The following SNX13 variants were observed in gnomAD, a reference collection of about 807,000 sequenced individuals.
The protein encoded by SNX13 is sorting nexin 13.
In SNX13, 45 loss-of-function variants were observed where a neutral mutation model predicts 133.6. That is an observed-to-expected ratio of 0.34 (90% CI 0.27 to 0.43). SNX13 has a LOEUF of 0.43. Among genes scored for constraint, SNX13 ranks in the 20% least tolerant of loss-of-function variants. The pLI, the probability that SNX13 is intolerant of heterozygous loss-of-function variation, is 1.00. For synonymous variants in SNX13, 414 were observed against 373.9 expected (o/e 1.11, Z -1.24); for missense variants, 1,032 against 1,145.1 (o/e 0.90, Z 1.43).
intron 13 of SNX13, among the ~76,000 whole-genome samples, chr7:17,838,752 T>C (rs1170597733): frequency 4.0e-5 from 6 of 151,840 alleles, no homozygotes; most frequent in African/African-American, 7.2e-5. Flanking sequence ...CAATTATTTG[T>C]AGTTTCCCCA....
At chr7:17,894,736 A>G (rs1797019850) in intron 2 of SNX13, among the ~76,000 whole-genome samples, 1 of 152,158 alleles carries the variant, frequency 6.6e-6, no homozygotes, top group Non-Finnish European at 1.5e-5. Flanking sequence ...ATCTTATAGT[A>G]ATGTTACAAT....
At chr7:17,856,253 T>C (rs559471417) in intron 9 of SNX13, among the ~76,000 whole-genome samples, 1 of 152,236 alleles carries the variant, frequency 6.6e-6, no homozygotes, top group Non-Finnish European at 1.5e-5. Context: ...CAGTTCAAAA[T>C]AACTTGTTAT....
intron 1 of SNX13, among the ~76,000 whole-genome samples, chr7:17,931,077 C>A (rs1346814576): frequency 1.3e-5 from 2 of 152,122 alleles, no homozygotes; most frequent in South Asian, 2.1e-4. Context: ...CTGACTCCCA[C>A]CAGGATTAAC....
chr7:17,796,945 T>G lies in SNX13; in HGVS notation c.2514-6A>C. 4 of 1,573,164 alleles carry G rather than the reference T, an allele frequency of 2.5e-6. No homozygotes were observed. The South Asian group carries it at 4.5e-5, about 18-fold the overall frequency. On this transcript the variant is annotated splice_polypyrimidine_tract_variant and splice_region_variant and intron_variant, in intron 24 of 25. Coordinates refer to ENST00000428135, the MANE Select transcript of SNX13 (RefSeq NM_015132.5). ...CATTTGGCCAAAATGCATCTCTATTTGAGAAGATTAAATACATTTTGTAAA... is the reference window on the plus strand; with the variant it reads ...CATTTGGCCAAAATGCATCTCTATTGGAGAAGATTAAATACATTTTGTAAA...
intron 1 of SNX13, among the ~76,000 whole-genome samples, chr7:17,908,011 A>G (rs1006761703): frequency 6.6e-6 from 1 of 152,160 alleles, no homozygotes; most frequent in East Asian, 1.9e-4. Context: ...TACACACTGA[A>G]CGCTCCTACC....
chr7:17,796,848 T>C lies in SNX13; in HGVS notation c.2605A>G (p.Lys869Glu), dbSNP rs1434408218. Residue 869 changes from lysine to glutamate, a missense_variant, in exon 25 of 26, where the codon AAA becomes GAA. Physicochemically the swap from Lys to Glu is moderately conservative, Grantham distance 56. Coordinates refer to ENST00000428135, the MANE Select transcript of SNX13 (RefSeq NM_015132.5). ...TCACCTGGCATAATTGCAAGTAATT[T>C]CGTTTTTCCTGCTACTCTTGTTCTC... Reference protein sequence around the residue: ...RMRTRVAGKTKLLAIMPDELK... With the variant: ...RMRTRVAGKTELLAIMPDELK... The C allele has an allele frequency of 6.2e-7, 1 of 1,609,602 alleles. No individual in the cohort carries two copies. Among genetic ancestry groups the C allele is most frequent in the Non-Finnish European group, 8.5e-7 (1 of 1,176,968 alleles).
chr7:17,826,107 C>A lies in SNX13; in HGVS notation c.1636-16G>T, dbSNP rs986207652. On this transcript the variant is annotated splice_polypyrimidine_tract_variant and intron_variant, in intron 16 of 25. Transcript: ENST00000428135. The stretch of plus-strand genomic sequence containing the variant: ...CATCTAAAGACTGAGAAAAAAAAAT[C>A]AGGAAACAAATTTTTAAAATTTTAT... 8 of 1,510,258 alleles carry A rather than the reference C, an allele frequency of 5.3e-6. No homozygotes were observed. Among genetic ancestry groups the A allele is most frequent in the South Asian group, 2.6e-5 (2 of 77,018 alleles). 93.6% of individuals were successfully genotyped at this position (1,510,258 alleles called of 1,614,324 possible). A position where few individuals can be genotyped will look rare whatever the true frequency, so the allele number is the denominator to read the frequency against.
intron 16 of SNX13, among the ~76,000 whole-genome samples, chr7:17,829,559 T>TG (rs1788255047): frequency 6.7e-6 from 1 of 149,768 alleles, no homozygotes; most frequent in Non-Finnish European, 1.5e-5. Context: ...TAGTGTAGAC[T>TG]TAAAGAAATA....
At chr7:17,931,168 A>G (rs757004888) in intron 1 of SNX13, among the ~76,000 whole-genome samples, 19 of 152,220 alleles carry the variant, frequency 1.2e-4, no homozygotes, top group Non-Finnish European at 2.1e-4. Flanking sequence ...TACCACATGT[A>G]AAATAGCTGA....
intron 1 of SNX13, among the ~76,000 whole-genome samples, chr7:17,919,948 G>GT (rs754572838): frequency 2.6e-5 from 4 of 152,058 alleles, no homozygotes; most frequent in Non-Finnish European, 5.9e-5. Flanking sequence ...CTAGGCAACA[G>GT]TGTAAGACCC....
rs1005055014 is a variant in SNX13, at chr7:17,806,838, G to A, written c.2065-3258C>T. On this transcript the variant is annotated intron_variant, in intron 20 of 25. Transcript: ENST00000428135. ...GAAGCAGGGTGGGGCGTCGCGTCAC[G>A]CGGGAAGTGGAAGGGGTCAGGGAAC... is the stretch of plus-strand genomic sequence containing the variant. 9.2e-5 allele frequency among the ~76,000 whole-genome samples: 14 copies of A among 152,212 alleles called. 1 individual carries two copies. Among genetic ancestry groups the A allele is most frequent in the Non-Finnish European group, 1.5e-4 (10 of 68,046 alleles).
At chr7:17,850,232 C>G (rs1000511675) in intron 11 of SNX13, 115 bp downstream of exon 11, 1 of 459,826 alleles carries the variant, frequency 2.2e-6, no homozygotes, top group Non-Finnish European at 3.6e-6. Flanking sequence ...TTTTAAAGTC[C>G]TCTTGTAAAG....
chr7:17,803,828 T>C (rs1373744949), intron 20 of SNX13, among the ~76,000 whole-genome samples: 2 of 150,354 alleles, frequency 1.3e-5, no homozygotes, highest in Non-Finnish European at 2.9e-5. Flanking sequence ...GGAGGATCAC[T>C]TGAATCCAGG....
intron 18 of SNX13, among the ~76,000 whole-genome samples, chr7:17,818,312 AATTT>A (rs887094207): frequency 6.6e-6 from 1 of 152,194 alleles, no homozygotes; most frequent in Admixed American, 6.5e-5. Flanking sequence ...TTAAAACAAC[AATTT>A]ATTTCAGAAA....
chr7:17,866,784 C>G (rs373305864), intron 9 of SNX13, among the ~76,000 whole-genome samples: 21 of 152,252 alleles, frequency 1.4e-4, no homozygotes, highest in East Asian at 9.6e-4. Context: ...TAAGATCTAC[C>G]ATTCAGTAGC....
chr7:17,882,488 T>C (rs1795460372), intron 5 of SNX13: 2 of 152,214 alleles, frequency 1.3e-5, no homozygotes, highest in Admixed American at 1.3e-4. Flanking sequence ...TTCTTTCTGA[T>C]CATTTAGAAA....
At chr7:17,906,212 T>C (rs1277813908) in intron 1 of SNX13, among the ~76,000 whole-genome samples, 6 of 152,234 alleles carry the variant, frequency 3.9e-5, no homozygotes, top group Middle Eastern at 3.4e-3. Flanking sequence ...GTTAGACTTA[T>C]CAGTGCCCAA....
intron 16 of SNX13, among the ~76,000 whole-genome samples, chr7:17,827,679 A>C (rs537153916): frequency 6.6e-6 from 1 of 151,898 alleles, no homozygotes; most frequent in East Asian, 1.9e-4. Flanking sequence ...CATATCAACT[A>C]CTTTCTCGGA....
chr7:17,931,932 C>A (rs998339419), intron 1 of SNX13, among the ~76,000 whole-genome samples: 1 of 152,188 alleles, frequency 6.6e-6, no homozygotes, highest in Non-Finnish European at 1.5e-5. Flanking sequence ...CAACATTGAA[C>A]AGAGACGCAT....
Sources: gnomAD v4.1 joint callset for allele counts (sites outside exome capture counted in the v4.1 genomes callset) on GRCh38, gnomAD v4.1.1 for gene constraint, MANE v1.5 for transcripts, NCBI Gene and HGNC (gene_info 2026-07-23, HGNC 2026-07-21) for gene names.